ROCK2: variants seen among roughly 807,000 people sequenced by gnomAD.
The protein encoded by ROCK2 is rho-associated protein kinase 2.
In ROCK2, 61 loss-of-function variants were observed where a neutral mutation model predicts 195.1. The ratio of observed to expected loss-of-function variants is 0.31; its 90% CI spans 0.25 to 0.39. The LOEUF is 0.39. Among genes scored for constraint, ROCK2 ranks in the 10% least tolerant of loss-of-function variants. ROCK2 has a pLI of 1.00. For synonymous variants in ROCK2, 504 were observed against 545.5 expected (o/e 0.92, Z 1.06); for missense variants, 1,109 against 1,637.4 (o/e 0.68, Z 5.57).
rs551280696 is a variant in ROCK2 at position 11,259,581 on chromosome 2, C to T, written c.325-9783G>A. Reference sequence around the variant, plus strand: ...ATAAAGCTAGTATCATAATACCCATCATAAGGTTGTTGTTAGGTCTAAATA... The same window carrying T: ...ATAAAGCTAGTATCATAATACCCATTATAAGGTTGTTGTTAGGTCTAAATA... On this transcript the variant is annotated intron_variant, in intron 3 of 32. Transcript: ENST00000315872. Among the ~76,000 whole-genome samples, 12 of 151,354 alleles carry T rather than the reference C, an allele frequency of 7.9e-5. No homozygotes were observed. In the East Asian group the frequency reaches 2.1e-3, roughly 27 times the overall value.
At chr2:11,277,716 T>C (rs1026194701) in intron 3 of ROCK2, among the ~76,000 whole-genome samples, 4 of 152,232 alleles carry the variant, frequency 2.6e-5, no homozygotes, top group African/African-American at 9.6e-5. Context: ...ACAATTTCTT[T>C]ATCCACTCGT....
At chr2:11,221,949 T>C (rs1664653149) in intron 8 of ROCK2, 134 bp downstream of exon 8, 1 of 567,738 alleles carries the variant, frequency 1.8e-6, no homozygotes, top group Admixed American at 2.7e-5. Context: ...CAGAACAAAT[T>C]TGAAATGAAA....
At chr2:11,291,978 T>C (rs1304438511) in intron 1 of ROCK2, among the ~76,000 whole-genome samples, 2 of 80,520 alleles carry the variant, frequency 2.5e-5, no homozygotes, top group African/African-American at 3.2e-5. Context: ...GACAGAATGA[T>C]AGACAAATGA....
chr2:11,251,190 A>G (rs986249824), intron 3 of ROCK2, among the ~76,000 whole-genome samples: 43 of 152,142 alleles, frequency 2.8e-4, no homozygotes, highest in African/African-American at 1.0e-3. Flanking sequence ...CTTACATCCC[A>G]TTTTTAACTT....
chr2:11,261,039 T>C (rs6759490), intron 3 of ROCK2, among the ~76,000 whole-genome samples: 116,554 of 152,164 alleles, frequency 0.77, 45,578 homozygotes, highest in East Asian at 0.94. Flanking sequence ...CAATGCTAAA[T>C]TGACTAATTC....
intron 3 of ROCK2, among the ~76,000 whole-genome samples, chr2:11,272,409 T>A (rs534766002): frequency 6.6e-6 from 1 of 152,348 alleles, no homozygotes; most frequent in East Asian, 1.9e-4. Context: ...GGCCAATACA[T>A]ATTTTTAAAT....
intron 1 of ROCK2, among the ~76,000 whole-genome samples, chr2:11,338,080 C>G (rs1668986778): frequency 6.6e-6 from 1 of 152,156 alleles, no homozygotes; most frequent in South Asian, 2.1e-4. Context: ...TGCAGTGGCT[C>G]AGGCCTCTAA....
At chr2:11,286,204 T>G (rs1265802539) in intron 3 of ROCK2, among the ~76,000 whole-genome samples, 1 of 41,970 alleles carries the variant, frequency 2.4e-5, no homozygotes, top group Non-Finnish European at 7.3e-5. Flanking sequence ...TCTGTTAGGT[T>G]TCTTATACAT....
At chr2:11,253,573 T>C (rs1445684887) in intron 3 of ROCK2, among the ~76,000 whole-genome samples, 1 of 152,268 alleles carries the variant, frequency 6.6e-6, no homozygotes, top group Non-Finnish European at 1.5e-5. Flanking sequence ...TTTCTTTGTA[T>C]TTATTGCCTG....
chr2:11,308,230 AG>A (rs1459288435), intron 1 of ROCK2: 5 of 1,365,020 alleles, frequency 3.7e-6, no homozygotes, highest in South Asian at 1.2e-5. Flanking sequence ...CAACATGCTT[AG>A]AATTGCGAAG....
chr2:11,301,559 CTGATGTCAGGGGTT>C (rs1326548447), intron 1 of ROCK2, among the ~76,000 whole-genome samples: 8 of 151,854 alleles, frequency 5.3e-5, no homozygotes, highest in Admixed American at 5.3e-4. Flanking sequence ...GGCAGATCAC[CTGATGTCAGGGGTT>C]TGAGACTAGC....
At chr2:11,234,623 G>T (rs562401378) in intron 5 of ROCK2, 1 of 152,142 alleles carries the variant, frequency 6.6e-6, no homozygotes, top group East Asian at 1.9e-4. Context: ...AATATATAGG[G>T]ATATTAAGTT....
intron 9 of ROCK2, among the ~76,000 whole-genome samples, chr2:11,219,847 T>C (rs1664568538): frequency 6.7e-6 from 1 of 148,938 alleles, no homozygotes. Context: ...TTGATTATTC[T>C]TCCCCAAAAC....
intron 17 of ROCK2, among the ~76,000 whole-genome samples, 158 bp from the exon 18 acceptor site, chr2:11,211,998 C>T (rs72785495): frequency 0.011 from 1,643 of 151,968 alleles, 14 homozygotes; most frequent in Non-Finnish European, 0.018. Flanking sequence ...CTCAACCTCC[C>T]CAGGCTCAAG....
chr2:11,317,070 A>G (rs1283007747), intron 1 of ROCK2, among the ~76,000 whole-genome samples: 2 of 152,116 alleles, frequency 1.3e-5, no homozygotes, highest in Admixed American at 6.5e-5. Flanking sequence ...TTAAATTATC[A>G]TGAGTCCAGA....
At chr2:11,343,608 TC>T (rs1466609304) in intron 1 of ROCK2, among the ~76,000 whole-genome samples, 1 of 152,120 alleles carries the variant, frequency 6.6e-6, no homozygotes, top group Non-Finnish European at 1.5e-5. Flanking sequence ...CAGGTTTCTT[TC>T]TCCCTCGCTC....
chr2:11,187,821 C>T (rs561343006), intron 32 of ROCK2, among the ~76,000 whole-genome samples: 1 of 152,242 alleles, frequency 6.6e-6, no homozygotes, highest in African/African-American at 2.4e-5. Flanking sequence ...ATTTTTGACA[C>T]TTCAAATTGT....
chr2:11,264,623 G>A (rs1666351289), intron 3 of ROCK2, among the ~76,000 whole-genome samples: 1 of 152,128 alleles, frequency 6.6e-6, no homozygotes, highest in Non-Finnish European at 1.5e-5. Context: ...AAAGTAGAAA[G>A]TTCCGAGCAG....
chr2:11,200,603 C>G (rs922934273), intron 23 of ROCK2, among the ~76,000 whole-genome samples: 2 of 152,028 alleles, frequency 1.3e-5, no homozygotes, highest in African/African-American at 4.8e-5. Context: ...ATAGGGTAAA[C>G]CTAACTACTT....
Sources: allele counts gnomAD v4.1 joint callset (sites outside exome capture counted in the v4.1 genomes callset), GRCh38; gene constraint gnomAD v4.1.1; transcripts MANE v1.5; gene names NCBI Gene and HGNC (gene_info 2026-07-23, HGNC 2026-07-21).